The following ZNF654 variants were observed in gnomAD, a reference collection of about 807,000 sequenced individuals.
ZNF654 encodes melanoma-associated antigen.
A neutral mutation model predicts 95.3 loss-of-function variants in ZNF654; 19 were observed. The ratio of observed to expected loss-of-function variants is 0.20; its 90% confidence interval spans 0.14 to 0.29. The LOEUF (loss-of-function observed/expected upper bound fraction) is 0.29, where lower values mean the gene tolerates loss of function less well. Ranked by LOEUF, ZNF654 falls within the 10% of genes least tolerant of loss-of-function variation. ZNF654 has a pLI of 1.00. For missense variants in ZNF654, 1,046 were observed against 1,341.0 expected, an observed-to-expected ratio of 0.78 and a Z score of 3.44; for synonymous variants, 413 against 457.9, an observed-to-expected ratio of 0.90 and a Z score of 1.25.
At chr3:88,065,961 T>C (rs933404985) in intron 1 of ZNF654, among the ~76,000 whole-genome samples, 6 of 152,164 alleles carry the variant, frequency 3.9e-5, no homozygotes, top group African/African-American at 1.4e-4. Flanking sequence ...TCTTAACTCC[T>C]GAGGTCAAGC....
chr3:88,070,056 T>C (rs374208991), intron 1 of ZNF654, among the ~76,000 whole-genome samples: 12 of 152,334 alleles, frequency 7.9e-5, no homozygotes, highest in African/African-American at 2.2e-4. Context: ...ATATATTCCA[T>C]GCTCATGAGA....
chr3:88,126,075 T>A, intron 3 of ZNF654, 59 bp from the exon 4 acceptor site: 1 of 1,372,510 alleles, frequency 7.3e-7, no homozygotes, highest in Non-Finnish European at 9.5e-7. Flanking sequence ...ACAATGATGA[T>A]CAAGTTTAGT....
chr3:88,110,515 G>T (rs1247073686), intron 2 of ZNF654, among the ~76,000 whole-genome samples: 2 of 151,972 alleles, frequency 1.3e-5, no homozygotes, highest in Non-Finnish European at 2.9e-5. Context: ...ATTTAAATAT[G>T]GCTAACCATT....
Position 88,138,761 on chromosome 3 carries a change from C to A in ZNF654, c.1092C>A (p.Leu364=). Reference sequence around the variant, plus strand: ...AAATATGTGGTTGTGCTCTACAACTCGACCTTCATGATGATCCCAAAACTA... The same window carrying A: ...AAATATGTGGTTGTGCTCTACAACTAGACCTTCATGATGATCCCAAAACTA... ...CVEICGCALQ[L]DLHDDPKTKC... The change falls in exon 8 of 9, where the codon CTC becomes CTA. Residue 364 remains leucine, a synonymous_variant. Transcript: ENST00000636215. 2 of 1,231,960 alleles carry A rather than the reference C, an allele frequency of 1.6e-6. No homozygotes were observed. The highest frequency in any genetic ancestry group is 3.2e-5 in the East Asian group (1 of 31,686). The allele number at this position is 1,231,960 out of a possible 1,614,324, so 76.3% of individuals were successfully genotyped here. A position where few individuals can be genotyped will look rare whatever the true frequency, so the allele number is the denominator to read the frequency against.
rs540532027 is a variant in ZNF654, at chr3:88,098,681, G to A, written c.332+12279G>A. ...GGGATGCAAGGCTGGTTCAACATAC[G>A]AAAATCAATAAACGTAATCCAGCAT... On this transcript the variant is annotated intron_variant, in intron 2 of 8. Coordinates refer to ENST00000636215, the MANE Select transcript of ZNF654 (RefSeq NM_001350134.2). Among the ~76,000 whole-genome samples the A allele has an allele frequency of 2.6e-4, 40 of 152,184 alleles. No individual in the cohort carries two copies. The South Asian group carries it at 6.2e-3, about 24-fold the overall frequency.
rs1169446972 is a variant in ZNF654, at chr3:88,142,284, TA to T, written c.*638del. The T allele has an allele frequency of 4.0e-5, 3 of 75,920 alleles. No individual in the cohort carries two copies. The highest frequency in any genetic ancestry group is 9.8e-5 in the Non-Finnish European group (3 of 30,726). The allele number at this position is 75,920 out of a possible 1,614,324, so 4.7% of individuals were successfully genotyped here. The stretch of plus-strand genomic sequence containing the variant: ...TGAATGGCACGCCAGCATTGAAAAT[TA>T]AAAAACAAAACAAAAAAAACCACAG... On this transcript the variant is annotated 3_prime_UTR_variant, in exon 9 of 9. Coordinates refer to ENST00000636215, the MANE Select transcript of ZNF654 (RefSeq NM_001350134.2).
Position 88,077,639 on chromosome 3 carries a change from G to A in ZNF654, c.187-8618G>A, listed in dbSNP as rs546027953. ...AAAATTATACTGCTTCTGAGATAGGGAAACCTTTTCAAAATAACACATAGG... is the reference window on the plus strand; with the variant it reads ...AAAATTATACTGCTTCTGAGATAGGAAAACCTTTTCAAAATAACACATAGG... On this transcript the variant is annotated intron_variant, in intron 1 of 8. Coordinates refer to ENST00000636215, the MANE Select transcript of ZNF654 (RefSeq NM_001350134.2). 3.7e-4 allele frequency among the ~76,000 whole-genome samples: 56 copies of A among 152,184 alleles called. 1 individual carries two copies. The highest frequency in any genetic ancestry group is 8.5e-4 in the Admixed American group (13 of 15,288).
intron 3 of ZNF654, among the ~76,000 whole-genome samples, chr3:88,120,470 C>T (rs1184184809): frequency 2.0e-5 from 3 of 151,830 alleles, no homozygotes; most frequent in Admixed American, 2.0e-4. Context: ...GAGTGGTAGT[C>T]GATAGAGGCC....
At chr3:88,138,329 T>G (rs892740100) in intron 7 of ZNF654, among the ~76,000 whole-genome samples, 4 of 152,122 alleles carry the variant, frequency 2.6e-5, no homozygotes, top group African/African-American at 9.7e-5. Flanking sequence ...ATACACATAA[T>G]TTTGACCCTT....
chr3:88,137,094 C>T (rs1706834391), intron 7 of ZNF654, among the ~76,000 whole-genome samples: 1 of 144,610 alleles, frequency 6.9e-6, no homozygotes, highest in Non-Finnish European at 1.5e-5. Context: ...ACTGGGGAGG[C>T]TGAGGCAGGA....
At chr3:88,130,056 A>G (rs1330600394) in intron 6 of ZNF654, among the ~76,000 whole-genome samples, 1 of 152,238 alleles carries the variant, frequency 6.6e-6, no homozygotes, top group Non-Finnish European at 1.5e-5. Context: ...ATAATGAAAC[A>G]GTGGTTTGAA....
intron 2 of ZNF654, among the ~76,000 whole-genome samples, chr3:88,093,458 T>C (rs1424854913): frequency 6.6e-6 from 1 of 152,164 alleles, no homozygotes; most frequent in Non-Finnish European, 1.5e-5. Flanking sequence ...GGCCACTAGG[T>C]CCACAAGAAT....
At chr3:88,063,926 G>A (rs1400933119) in intron 1 of ZNF654, among the ~76,000 whole-genome samples, 1 of 152,102 alleles carries the variant, frequency 6.6e-6, no homozygotes, top group Non-Finnish European at 1.5e-5. Context: ...TCTCTGTGGT[G>A]TAAACCAAAA....
At chr3:88,107,048 T>C (rs530087364) in intron 2 of ZNF654, among the ~76,000 whole-genome samples, 1 of 152,354 alleles carries the variant, frequency 6.6e-6, no homozygotes, top group East Asian at 1.9e-4. Context: ...TCATTTCTCT[T>C]GTTTCATGTT....
intron 2 of ZNF654, among the ~76,000 whole-genome samples, chr3:88,087,908 G>A (rs1008098510): frequency 6.6e-6 from 1 of 152,084 alleles, no homozygotes; most frequent in Non-Finnish European, 1.5e-5. Flanking sequence ...TCCAAAATTC[G>A]AAACTCTTTG....
Position 88,141,065 on chromosome 3 carries a change from C to T in ZNF654, c.3379+17C>T, listed in dbSNP as rs772489677. On this transcript the variant is annotated intron_variant, in intron 8 of 8. Coordinates refer to ENST00000636215, the MANE Select transcript of ZNF654 (RefSeq NM_001350134.2). ...ATGATGAAAGTAAGTCTTCTGTCTT[C>T]TTAGTAGAGGTATCTGTAGAAAGAG... The T allele has an allele frequency of 6.4e-7, 1 of 1,567,660 alleles. No homozygotes were observed. Among genetic ancestry groups the T allele is most frequent in the Non-Finnish European group, 8.6e-7 (1 of 1,161,082 alleles).
rs779311075 is a variant in ZNF654 at position 88,140,311 on chromosome 3, G to A, written c.2642G>A (p.Ser881Asn). 2.5e-6 allele frequency: 4 copies of A among 1,613,662 alleles called. No individual in the cohort carries two copies. The highest frequency in any genetic ancestry group is 2.5e-6 in the Non-Finnish European group (3 of 1,179,746). Residue 881 changes from serine to asparagine, a missense_variant, in exon 8 of 9, where the codon AGT (serine) becomes AAT (asparagine). Physicochemically the swap from Ser to Asn is conservative, Grantham distance 46 (BLOSUM62 1). Transcript: ENST00000636215. Reference protein sequence around the residue: ...SKTPESSAQPSETILWDVQTD... With the variant: ...SKTPESSAQPNETILWDVQTD... The stretch of plus-strand genomic sequence containing the variant: ...ACACCAGAGTCATCTGCACAACCAA[G>A]TGAAACAATTCTTTGGGATGTTCAG...
At chr3:88,132,173 C>G (rs1047927239) in intron 6 of ZNF654, among the ~76,000 whole-genome samples, 2 of 151,990 alleles carry the variant, frequency 1.3e-5, no homozygotes, top group Non-Finnish European at 2.9e-5. Context: ...AGCCAGGATT[C>G]AAACTTAGGC....
intron 2 of ZNF654, 138 bp downstream of exon 2, chr3:88,086,540 T>A: frequency 2.6e-6 from 2 of 777,560 alleles, no homozygotes; most frequent in Non-Finnish European, 3.7e-6. Context: ...TTCACTGAAG[T>A]ATTCAGGTTT....
Sources: allele counts gnomAD v4.1 joint callset (sites outside exome capture counted in the v4.1 genomes callset), GRCh38; gene constraint gnomAD v4.1.1; transcripts MANE v1.5; gene names NCBI Gene and HGNC (gene_info 2026-07-23, HGNC 2026-07-21).